SFMBT2: variants seen among roughly 807,000 people sequenced by gnomAD.
SFMBT2 encodes the protein Scm like with four mbt domains 2.
In SFMBT2, 38 loss-of-function variants were observed where a neutral mutation model predicts 110.1. The observed-to-expected ratio is 0.35, with a 90% CI of 0.27 to 0.45. The LOEUF is 0.45. Among genes scored for constraint, SFMBT2 ranks in the 20% least tolerant of loss-of-function variants. The pLI is 1.00. For missense variants in SFMBT2, 1,011 were observed against 1,094.9 expected (o/e 0.92, Z 1.08); for synonymous variants, 425 against 425.4 (o/e 1.00, Z 0.01).
intron 1 of SFMBT2, among the ~76,000 whole-genome samples, chr10:7,396,146 G>A (rs1216784062): frequency 6.6e-6 from 1 of 152,206 alleles, no homozygotes; most frequent in Non-Finnish European, 1.5e-5. Context: ...GGAATTACAG[G>A]ATTCTCAAGG....
At chr10:7,378,786 T>C (rs1422235073) in intron 2 of SFMBT2, among the ~76,000 whole-genome samples, 2 of 144,990 alleles carry the variant, frequency 1.4e-5, no homozygotes, top group East Asian at 4.1e-4. Context: ...GGTGTGAGTG[T>C]GGGTGTGTGT....
chr10:7,315,955 A>G (rs1390790422), intron 4 of SFMBT2, among the ~76,000 whole-genome samples: 2 of 152,196 alleles, frequency 1.3e-5, no homozygotes, highest in African/African-American at 2.4e-5. Flanking sequence ...ACACAGATTA[A>G]GGCTAATCTA....
intron 4 of SFMBT2, among the ~76,000 whole-genome samples, chr10:7,306,569 C>T (rs1436428743): frequency 1.3e-5 from 2 of 151,998 alleles, no homozygotes; most frequent in African/African-American, 4.8e-5. Flanking sequence ...GTAGAGTTTC[C>T]AGAAGAAGCA....
In SFMBT2 at chr10:7,396,100, T is replaced by C. The variant is rs576082063; in HGVS notation, c.-51-14151A>G. ...AAGTACAAAAATTAACCAGGTGTGG[T>C]GGTGGGCACCTGTAATTCCAGCTAC... On this transcript the variant is annotated intron_variant, in intron 1 of 20. Transcript: ENST00000397167. Among the ~76,000 whole-genome samples, 3 of 152,254 alleles carry C rather than the reference T, an allele frequency of 2.0e-5. No homozygotes were observed. The East Asian group carries it at 5.8e-4, about 29-fold the overall frequency.
At chr10:7,219,811 G>A in intron 11 of SFMBT2, 2 of 237,668 alleles carry the variant, frequency 8.4e-6, no homozygotes, top group Non-Finnish European at 1.4e-5. Context: ...AGAAAATATG[G>A]TTTTCTACTT....
At chr10:7,391,993 C>T (rs1298069819) in intron 1 of SFMBT2, among the ~76,000 whole-genome samples, 1 of 152,104 alleles carries the variant, frequency 6.6e-6, no homozygotes, top group Non-Finnish European at 1.5e-5. Context: ...ATTTTTTCAC[C>T]ATGGTAAGTA....
At chr10:7,228,719 CTTTCTTTCTTTCTTTCCTT>C (rs1839990883) in intron 9 of SFMBT2, among the ~76,000 whole-genome samples, 1 of 128,382 alleles carries the variant, frequency 7.8e-6, no homozygotes, top group Non-Finnish European at 1.6e-5. Context: ...TTCTTTCTTT[CTTTCTTTCTTTCTTTCCTT>C]TCTCTCTCTC....
At chr10:7,317,451 G>A (rs36085071) in intron 4 of SFMBT2, among the ~76,000 whole-genome samples, 7,194 of 152,004 alleles carry the variant, frequency 0.047, 251 homozygotes, top group Non-Finnish European at 0.077. Context: ...AAGACCAGCC[G>A]ACTAACATGG....
intron 4 of SFMBT2, among the ~76,000 whole-genome samples, chr10:7,337,306 G>A (rs1843745810): frequency 6.6e-6 from 1 of 152,196 alleles, no homozygotes; most frequent in Non-Finnish European, 1.5e-5. Context: ...CTTTGCAAGA[G>A]CATCATTTCA....
At chr10:7,383,753 GC>G (rs1845496511) in intron 1 of SFMBT2, among the ~76,000 whole-genome samples, 1 of 152,170 alleles carries the variant, frequency 6.6e-6, no homozygotes, top group Non-Finnish European at 1.5e-5. Flanking sequence ...TCAGCACAGG[GC>G]CTTATGTTTT....
intron 4 of SFMBT2, among the ~76,000 whole-genome samples, chr10:7,332,438 T>C (rs1390525267): frequency 6.6e-6 from 1 of 152,238 alleles, no homozygotes; most frequent in East Asian, 1.9e-4. Context: ...TATTCTTTAA[T>C]AGTTTGCCTT....
intron 6 of SFMBT2, among the ~76,000 whole-genome samples, chr10:7,283,150 A>G (rs185060758): frequency 1.3e-5 from 2 of 152,360 alleles, no homozygotes; most frequent in East Asian, 1.9e-4. Flanking sequence ...ATCAAAACAA[A>G]CAATGTACCA....
At chr10:7,331,610 A>G (rs1843559453) in intron 4 of SFMBT2, among the ~76,000 whole-genome samples, 1 of 152,104 alleles carries the variant, frequency 6.6e-6, no homozygotes, top group Non-Finnish European at 1.5e-5. Flanking sequence ...GGTGGTAAAG[A>G]TCCTTCCTCT....
rs376646980 is a variant in SFMBT2 at position 7,172,038 on chromosome 10, G to A, written c.2272C>T (p.Arg758Trp). Residue 758 changes from arginine (R) to tryptophan (W), a missense_variant, in exon 19 of 21, where the codon CGG (arginine) becomes TGG (tryptophan). Around this residue, in one of 2 missense-constraint regions of SFMBT2, gnomAD observed 979 missense variants for 1,016.1 expected, o/e 0.96. Coordinates refer to ENST00000397167, the MANE Select transcript of SFMBT2 (RefSeq NM_001387889.1). This position sits in a 1 kb window ranked among gnomAD's most constrained non-coding sequence, Gnocchi z 4.6. ...SSAEVPSARP[R>W]RAVTLRSGSE... ...CCGCTCCGCAGGGTGACGGCCCTCCGGGGCCGGGCCGAGGGCACCTCCGCC... is the reference window on the plus strand; with the variant it reads ...CCGCTCCGCAGGGTGACGGCCCTCCAGGGCCGGGCCGAGGGCACCTCCGCC... The A allele has an allele frequency of 3.6e-5, 57 of 1,590,932 alleles. No homozygotes were observed. Among genetic ancestry groups the A allele is most frequent in the Middle Eastern group, 1.7e-4 (1 of 5,804 alleles).
chr10:7,385,872 C>T (rs980687132), intron 1 of SFMBT2, among the ~76,000 whole-genome samples: 32 of 152,232 alleles, frequency 2.1e-4, no homozygotes, highest in South Asian at 1.0e-3. Context: ...TGGTGGTGGG[C>T]ACCTGTAGTC....
chr10:7,227,915 G>A lies in SFMBT2; in HGVS notation c.1143C>T (p.Asp381=), dbSNP rs370863866. Residue 381 remains aspartate (D), a synonymous_variant, in exon 10 of 21, where the codon GAC becomes GAT. Coordinates refer to ENST00000397167, the MANE Select transcript of SFMBT2 (RefSeq NM_001387889.1). ...PPKGYSGQDF[D]WADYHKQHGA... ...CATGCTGCTTGTGATAATCTGCCCA[G>A]TCGAAGTCCTGGCCAGAGTAACCTG... The A allele has an allele frequency of 6.2e-7, 1 of 1,602,466 alleles. No individual in the cohort carries two copies.
chr10:7,218,677 T>C lies in SFMBT2; in HGVS notation c.1330+1734A>G, dbSNP rs1382953083. On this transcript the variant is annotated intron_variant, in intron 11 of 20. Coordinates refer to ENST00000397167, the MANE Select transcript of SFMBT2 (RefSeq NM_001387889.1). ...CATGAGCTGACTTCTATTTCTTTGC[T>C]AGAAAATCAAAAATCTGTATTCAAA... 5.3e-5 allele frequency among the ~76,000 whole-genome samples: 8 copies of C among 152,324 alleles called. No individual in the cohort carries two copies. The South Asian group carries it at 1.0e-3, about 20-fold the overall frequency.
rs890205391 is a variant in SFMBT2, at chr10:7,170,817, C to T, written c.2544+111G>A. 4.8e-5 allele frequency: 63 copies of T among 1,316,234 alleles called. No homozygotes were observed. The East Asian group carries it at 1.1e-3, about 22-fold the overall frequency. 81.5% of individuals were successfully genotyped at this position (1,316,234 alleles called of 1,614,324 possible). On this transcript the variant is annotated intron_variant, in intron 20 of 20. Transcript: ENST00000397167. This position sits in a 1 kb window ranked among gnomAD's most constrained non-coding sequence, Gnocchi z 4.6. ...AGGGTCTCGCACACCTGCCGAGCAG[C>T]GCCGAAGAACCCCCTCGCAGGTGTC...
intron 4 of SFMBT2, among the ~76,000 whole-genome samples, chr10:7,316,126 C>T (rs549961355): frequency 6.6e-6 from 1 of 152,288 alleles, no homozygotes; most frequent in East Asian, 1.9e-4. Flanking sequence ...GCATGACCTC[C>T]CTCAACAGGA....
Sources: allele counts gnomAD v4.1 joint callset (sites outside exome capture counted in the v4.1 genomes callset), GRCh38; gene constraint gnomAD v4.1.1; regional missense constraint gnomAD v4.1.1; non-coding constraint Gnocchi (gnomAD v3.1); transcripts MANE v1.5; gene names NCBI Gene and HGNC (gene_info 2026-07-23, HGNC 2026-07-21).